The following NPAS3 variants were observed in gnomAD, a reference collection of about 807,000 sequenced individuals.
The protein encoded by NPAS3 is neuronal PAS domain protein 3.
NPAS3 carries 14 observed loss-of-function variants against 73.1 expected under a neutral mutation model. That is an observed-to-expected ratio of 0.19 (90% CI 0.13 to 0.30). The LOEUF is 0.30. NPAS3 is among the 10% of genes least tolerant of loss of function. The pLI, the probability that NPAS3 is intolerant of heterozygous loss-of-function variation, is 1.00. For synonymous variants in NPAS3, 620 were observed against 541.5 expected (o/e 1.14, Z -2.01); for missense variants, 1,096 against 1,250.0 (o/e 0.88, Z 1.86).
chr14:33,460,819 A>T (rs2050228489), intron 4 of NPAS3, among the ~76,000 whole-genome samples: 1 of 152,220 alleles, frequency 6.6e-6, no homozygotes, highest in African/African-American at 2.4e-5. Flanking sequence ...ACAAAACTAG[A>T]TTTACAGAAA....
At chr14:33,343,883 T>C (rs1429403668) in intron 3 of NPAS3, among the ~76,000 whole-genome samples, 1 of 152,180 alleles carries the variant, frequency 6.6e-6, no homozygotes, top group Non-Finnish European at 1.5e-5. Context: ...CAGTGCATTG[T>C]CTTTTCCACT....
intron 1 of NPAS3, among the ~76,000 whole-genome samples, chr14:33,014,351 A>G (rs981897081): frequency 6.6e-6 from 1 of 152,176 alleles, no homozygotes; most frequent in African/African-American, 2.4e-5. Context: ...ATTGTGGAGA[A>G]ATATAAATTT....
At chr14:33,723,033 T>C (rs951106080) in intron 6 of NPAS3, among the ~76,000 whole-genome samples, 2 of 152,160 alleles carry the variant, frequency 1.3e-5, no homozygotes, top group African/African-American at 2.4e-5. Context: ...CTCCAGAATA[T>C]ACACATTCAC....
At chr14:33,068,007 T>A (rs1192808957) in intron 2 of NPAS3, among the ~76,000 whole-genome samples, 1 of 152,234 alleles carries the variant, frequency 6.6e-6, no homozygotes, top group Non-Finnish European at 1.5e-5. Context: ...TCAGCCTAGA[T>A]TGTTGCAGTC....
intron 1 of NPAS3, among the ~76,000 whole-genome samples, chr14:32,939,586 G>A (rs2035883429): frequency 7.7e-6 from 1 of 129,832 alleles, no homozygotes; most frequent in Non-Finnish European, 1.6e-5. Flanking sequence ...CTGAGCAGTC[G>A]CACCTCCTCG....
intron 9 of NPAS3, among the ~76,000 whole-genome samples, chr14:33,789,385 C>T (rs1222718298): frequency 6.6e-6 from 1 of 152,114 alleles, no homozygotes; most frequent in Non-Finnish European, 1.5e-5. Flanking sequence ...ACACCCTGGG[C>T]TTCAGAGGAG....
At chr14:33,478,474 A>C (rs1262764629) in intron 4 of NPAS3, among the ~76,000 whole-genome samples, 1 of 152,198 alleles carries the variant, frequency 6.6e-6, no homozygotes, top group Non-Finnish European at 1.5e-5. Flanking sequence ...TAAACACAAC[A>C]GCCTGTCCTC....
intron 2 of NPAS3, among the ~76,000 whole-genome samples, chr14:33,096,354 G>A (rs1311891742): frequency 1.3e-5 from 2 of 152,212 alleles, no homozygotes; most frequent in South Asian, 2.1e-4. Context: ...TGTATTTCAT[G>A]CTTCCACTTT....
chr14:33,309,661 T>A (rs1284091116), intron 3 of NPAS3, among the ~76,000 whole-genome samples: 2 of 152,228 alleles, frequency 1.3e-5, no homozygotes, highest in African/African-American at 2.4e-5. Flanking sequence ...TGTACCACTT[T>A]AAAGGAATGA....
At chr14:33,427,536 G>A (rs767795741) in intron 4 of NPAS3, among the ~76,000 whole-genome samples, 12 of 151,358 alleles carry the variant, frequency 7.9e-5, no homozygotes, top group Non-Finnish European at 1.6e-4. Flanking sequence ...TCCGTGAATG[G>A]GACTAAGGAA....
At position 33,225,683 on chromosome 14, in the gene NPAS3, T is replaced by C. The variant is rs143183169; in HGVS notation, c.385+10257T>C. On this transcript the variant is annotated intron_variant, in intron 3 of 11. Transcript: ENST00000356141. Reference sequence around the variant, plus strand: ...ATTATTCTTAAGAGTTTTTTTCAACTATTTAAAAAATTAAAACAACAAGGA... The same window carrying C: ...ATTATTCTTAAGAGTTTTTTTCAACCATTTAAAAAATTAAAACAACAAGGA... 4.5e-4 allele frequency among the ~76,000 whole-genome samples: 68 copies of C among 152,316 alleles called. 1 individual carries two copies. In the East Asian group the frequency reaches 0.013, roughly 29 times the overall value.
At chr14:33,055,911 T>A in exon 2 of NPAS3, 1 of 810,214 alleles carries the variant, frequency 1.2e-6, no homozygotes, top group Non-Finnish European at 2.1e-6. Flanking sequence ...ACAGAATAAC[T>A]GCCCAGCATC....
At chr14:33,018,947 A>AG (rs2039492432) in intron 1 of NPAS3, among the ~76,000 whole-genome samples, 1 of 150,956 alleles carries the variant, frequency 6.6e-6, no homozygotes, top group Admixed American at 6.6e-5. Context: ...AAAAAAAAAA[A>AG]CCTTTCACAT....
intron 2 of NPAS3, among the ~76,000 whole-genome samples, chr14:33,066,007 C>T (rs2041265801): frequency 6.6e-6 from 1 of 152,056 alleles, no homozygotes; most frequent in Non-Finnish European, 1.5e-5. Flanking sequence ...GCATCCTGTC[C>T]TGTGTGCTTG....
chr14:33,089,744 G>T (rs1033489721), intron 2 of NPAS3, among the ~76,000 whole-genome samples: 1 of 152,220 alleles, frequency 6.6e-6, no homozygotes, highest in African/African-American at 2.4e-5. Flanking sequence ...AGGGCAGCCA[G>T]AGAGAAAGGT....
rs972392544 is a variant in NPAS3 at position 33,343,262 on chromosome 14, T to G, written c.386-23924T>G. 6.2e-4 allele frequency among the ~76,000 whole-genome samples: 95 copies of G among 152,228 alleles called. 4 individuals are homozygous for G. Among genetic ancestry groups the G allele is most frequent in the Non-Finnish European group, 8.8e-5 (6 of 68,040 alleles). On this transcript the variant is annotated intron_variant, in intron 3 of 11. Transcript: ENST00000356141. Reference sequence around the variant, plus strand: ...AACTCTATTGAAATGAGTCAGGGTTTGTTTTGTGAGCACTTTAACTCCCTC... The same window carrying G: ...AACTCTATTGAAATGAGTCAGGGTTGGTTTTGTGAGCACTTTAACTCCCTC...
At chr14:33,798,956 C>T (rs755359914) in intron 11 of NPAS3, among the ~76,000 whole-genome samples, 5 of 130,632 alleles carry the variant, frequency 3.8e-5, no homozygotes, top group Non-Finnish European at 6.2e-5. Context: ...GCCTGGGCAA[C>T]GTGGCAAGAC....
At position 33,478,645 on chromosome 14, in the gene NPAS3, T is replaced by G. The variant is rs572668891; in HGVS notation, c.469-81476T>G. On this transcript the variant is annotated intron_variant, in intron 4 of 11. Coordinates refer to ENST00000356141, the Ensembl canonical transcript of NPAS3. ...CAGGATCACTACCAGGCCTGATGAA[T>G]TTTGTATGTTTAGAAAGTTGCGTTT... is the stretch of plus-strand genomic sequence containing the variant. 6.6e-5 allele frequency among the ~76,000 whole-genome samples: 10 copies of G among 152,286 alleles called. No homozygotes were observed. The South Asian group carries it at 2.1e-3, about 32-fold the overall frequency.
chr14:33,724,194 C>T (rs2061198318), intron 6 of NPAS3, among the ~76,000 whole-genome samples: 1 of 151,988 alleles, frequency 6.6e-6, no homozygotes, highest in African/African-American at 2.4e-5. Flanking sequence ...GAGTTAATAT[C>T]CTTAATATAT....
Sources: gnomAD v4.1 joint callset for allele counts (sites outside exome capture counted in the v4.1 genomes callset) on GRCh38, gnomAD v4.1.1 for gene constraint, MANE v1.5 for transcripts, NCBI Gene and HGNC (gene_info 2026-07-23, HGNC 2026-07-21) for gene names.